SORBS2: variants seen among roughly 807,000 people sequenced by gnomAD.
SORBS2 encodes sorbin and SH3 domain-containing protein 2.
Under a neutral mutation model 97.7 loss-of-function variants are expected in SORBS2, and 46 were observed. The ratio of observed to expected loss-of-function variants is 0.47; its 90% CI spans 0.37 to 0.60. The LOEUF (loss-of-function observed/expected upper bound fraction) is 0.60. SORBS2 is among the 20% of genes least tolerant of loss of function. The pLI is 0.00. For missense variants in SORBS2, 1,316 were observed against 1,282.3 expected (o/e 1.03, Z -0.40); for synonymous variants, 476 against 473.4 (o/e 1.01, Z -0.07).
At chr4:185,776,104 C>A (rs191064982) in intron 1 of SORBS2, among the ~76,000 whole-genome samples, 1 of 150,154 alleles carries the variant, frequency 6.7e-6, no homozygotes, top group Non-Finnish European at 1.5e-5. Flanking sequence ...ATTAAGAAGT[C>A]GTATTCATTC....
chr4:185,928,263 G>C (rs930279923), intron 1 of SORBS2, among the ~76,000 whole-genome samples: 1 of 152,076 alleles, frequency 6.6e-6, no homozygotes, highest in African/African-American at 2.4e-5. Flanking sequence ...AATTATTTGG[G>C]AGTGGTGGTA....
intron 1 of SORBS2, among the ~76,000 whole-genome samples, chr4:185,891,920 C>A (rs1358181560): frequency 6.6e-6 from 1 of 152,000 alleles, no homozygotes; most frequent in East Asian, 1.9e-4. Flanking sequence ...CTGCAACATC[C>A]ACCTCCCGGG....
chr4:185,694,768 A>G (rs138984825), intron 2 of SORBS2, among the ~76,000 whole-genome samples: 1,883 of 135,446 alleles, frequency 0.014, 38 homozygotes, highest in African/African-American at 0.044. Context: ...GGGCAGTGGC[A>G]TGATCTCGGC....
At position 185,691,830 on chromosome 4, in the gene SORBS2, T is replaced by C. The variant is rs867116543; in HGVS notation, c.-197-13008A>G. 6.8e-4 allele frequency among the ~76,000 whole-genome samples: 103 copies of C among 152,106 alleles called. 1 individual carries two copies. Among genetic ancestry groups the C allele is most frequent in the South Asian group, 2.3e-3 (11 of 4,822 alleles). On this transcript the variant is annotated intron_variant, in intron 2 of 20. Coordinates refer to the SORBS2 transcript ENST00000284776. ...TGCGATCTCGGCTCACTGCAAGCTC[T>C]GCCTCCCGGGCTCACGCCATTCTTC...
intron 4 of SORBS2, among the ~76,000 whole-genome samples, chr4:185,670,979 C>T (rs971125199): frequency 6.6e-6 from 1 of 152,124 alleles, no homozygotes; most frequent in African/African-American, 2.4e-5. Context: ...ATCATGGAAA[C>T]CCATGGGCAA....
chr4:185,907,910 C>A (rs1411741588), intron 1 of SORBS2, among the ~76,000 whole-genome samples: 1 of 152,112 alleles, frequency 6.6e-6, no homozygotes, highest in Non-Finnish European at 1.5e-5. Context: ...ACACAATTGT[C>A]TGCCTTTAAG....
chr4:185,703,371 T>C (rs1235281762), intron 2 of SORBS2, among the ~76,000 whole-genome samples: 2 of 152,170 alleles, frequency 1.3e-5, no homozygotes, highest in East Asian at 1.9e-4. Flanking sequence ...GAATTTACAG[T>C]AGAGGAGAAC....
At chr4:185,827,294 T>TCAC (rs2099201170) in intron 1 of SORBS2, among the ~76,000 whole-genome samples, 4 of 50,032 alleles carry the variant, frequency 8.0e-5, no homozygotes, top group Admixed American at 3.5e-4. Context: ...ATCACCATCA[T>TCAC]CATCATCACC....
chr4:185,638,248 C>T, intron 4 of SORBS2, 86 bp from the exon 15 acceptor site: 1 of 797,284 alleles, frequency 1.3e-6, no homozygotes, highest in Non-Finnish European at 2.2e-6. Flanking sequence ...AACTCACGCG[C>T]GCATTGACAC....
rs71593648 is a variant in SORBS2 at position 185,735,376 on chromosome 4, AT to A, written c.-198+39850del. On this transcript the variant is annotated intron_variant, in intron 2 of 20. Coordinates refer to the SORBS2 transcript ENST00000284776. ...CGCTTCCATTGAATCAGAGTAAACT[AT>A]TTTTTTTTTTTTTTGCTTCTTGGCA... Among the ~76,000 whole-genome samples, 1,343 of 141,784 alleles carry A rather than the reference AT, an allele frequency of 9.5e-3. 46 individuals carry two copies. Among genetic ancestry groups the A allele is most frequent in the Admixed American group, 0.061 (874 of 14,356 alleles). The allele number at this position is 141,784 out of a possible 152,430, so 93.0% of individuals were successfully genotyped here. A position where few individuals can be genotyped will look rare whatever the true frequency, so the allele number is the denominator to read the frequency against.
chr4:185,885,553 G>A (rs2099238978), intron 1 of SORBS2, among the ~76,000 whole-genome samples: 6 of 152,188 alleles, frequency 3.9e-5, no homozygotes, highest in Admixed American at 6.5e-5. Flanking sequence ...ACATTTCACA[G>A]TTTCTTTCTC....
intron 1 of SORBS2, among the ~76,000 whole-genome samples, chr4:185,879,764 T>C (rs1579302416): frequency 2.0e-5 from 3 of 148,544 alleles, no homozygotes; most frequent in Admixed American, 2.0e-4. Flanking sequence ...ATTTCTCTGA[T>C]GGCTTTGTTT....
chr4:185,932,946 G>A (rs1360000686), intron 1 of SORBS2: 1 of 152,238 alleles, frequency 6.6e-6, no homozygotes, highest in African/African-American at 2.4e-5. Context: ...GAGAAAAGCA[G>A]AATTCTTCTT....
At chr4:185,636,956 CTCTT>C (rs1243061551) in intron 4 of SORBS2, among the ~76,000 whole-genome samples, 4 of 152,160 alleles carry the variant, frequency 2.6e-5, no homozygotes. Context: ...CTCAAGTTGA[CTCTT>C]TATCCCAAAC....
intron 1 of SORBS2, among the ~76,000 whole-genome samples, chr4:185,879,807 T>C (rs2099235967): frequency 6.6e-6 from 1 of 152,230 alleles, no homozygotes; most frequent in African/African-American, 2.4e-5. Context: ...TCTGAGCTTC[T>C]ATCTGTTCAC....
chr4:185,699,645 C>T (rs980784176), intron 2 of SORBS2, among the ~76,000 whole-genome samples: 4 of 151,800 alleles, frequency 2.6e-5, no homozygotes, highest in South Asian at 2.1e-4. Context: ...AAAATTTGAA[C>T]GAGAAAATAA....
At chr4:185,672,021 A>G (rs935639498) in intron 4 of SORBS2, among the ~76,000 whole-genome samples, 2 of 152,228 alleles carry the variant, frequency 1.3e-5, no homozygotes, top group Admixed American at 6.5e-5. Context: ...AGAAATTGCC[A>G]AAGACCTGAT....
intron 4 of SORBS2, chr4:185,646,128 G>A (rs891725875): frequency 1.3e-5 from 2 of 152,138 alleles, no homozygotes; most frequent in South Asian, 2.1e-4. Context: ...AAGGGCATTT[G>A]GAAAATTCTC....
At chr4:185,696,955 T>C (rs1374569656) in intron 2 of SORBS2, among the ~76,000 whole-genome samples, 1 of 152,178 alleles carries the variant, frequency 6.6e-6, no homozygotes, top group Non-Finnish European at 1.5e-5. Flanking sequence ...TGACTGAGGA[T>C]CTCATAAGTC....
Sources: gnomAD v4.1 joint callset for allele counts (sites outside exome capture counted in the v4.1 genomes callset) on GRCh38, gnomAD v4.1.1 for gene constraint, MANE v1.5 for transcripts, NCBI Gene and HGNC (gene_info 2026-07-23, HGNC 2026-07-21) for gene names.